Variants in OR3A2 observed in about 807,000 individuals in gnomAD.
OR3A2 encodes olfactory receptor family 3 subfamily A member 2.
For synonymous variants in OR3A2, 126 were observed against 159.3 expected (o/e 0.79, Z 1.57); for missense variants, 318 against 392.8 (o/e 0.81, Z 1.61).
chr17:3,385,343 T>C (rs1199544218), intron 1 of OR3A2, among the ~76,000 whole-genome samples: 1 of 152,228 alleles, frequency 6.6e-6, no homozygotes, highest in Admixed American at 6.5e-5. Context: ...CTGCTCCTAA[T>C]TGTTTAAACA....
chr17:3,385,712 G>A (rs937940691), intron 1 of OR3A2, among the ~76,000 whole-genome samples: 1 of 152,168 alleles, frequency 6.6e-6, no homozygotes, highest in South Asian at 2.1e-4. Context: ...CACTACGCTA[G>A]AACACTCTTC....
intron 3 of OR3A2, among the ~76,000 whole-genome samples, chr17:3,318,301 T>C (rs1347974039): frequency 1.3e-5 from 2 of 152,212 alleles, no homozygotes; most frequent in East Asian, 3.8e-4. Flanking sequence ...GAGATTCACT[T>C]TCTTTTTGGT....
intron 2 of OR3A2, among the ~76,000 whole-genome samples, chr17:3,371,321 C>T (rs1462285435): frequency 7.3e-5 from 11 of 150,072 alleles, no homozygotes; most frequent in Non-Finnish European, 1.2e-4. Context: ...TAGGGGCGGC[C>T]GGGCAGAAGT....
At chr17:3,351,943 T>C (rs1458590727) in intron 2 of OR3A2, among the ~76,000 whole-genome samples, 1 of 152,212 alleles carries the variant, frequency 6.6e-6, no homozygotes, top group Non-Finnish European at 1.5e-5. Context: ...AAGGATTCCC[T>C]ACTTAATAAA....
rs571281980 is a variant in OR3A2, at chr17:3,339,382, T to G, written c.-178-3256A>C. 5.9e-5 allele frequency among the ~76,000 whole-genome samples: 9 copies of G among 152,334 alleles called. No homozygotes were observed. The South Asian group carries it at 1.9e-3, about 32-fold the overall frequency. On this transcript the variant is annotated intron_variant, in intron 2 of 4. Coordinates refer to the OR3A2 transcript ENST00000573491. The stretch of plus-strand genomic sequence containing the variant: ...GGGAATACTTCCAGTTTTTGCCCAT[T>G]CAGAATGATACTGGCTGTGGGTTTA...
chr17:3,310,147 C>T (rs2049029061), intron 3 of OR3A2: 1 of 352,920 alleles, frequency 2.8e-6, no homozygotes, highest in Admixed American at 3.8e-5. Flanking sequence ...ACATCTAAAT[C>T]TTCAACTTCC....
intron 2 of OR3A2, among the ~76,000 whole-genome samples, chr17:3,358,690 T>C (rs541675539): frequency 6.6e-6 from 1 of 151,876 alleles, no homozygotes; most frequent in South Asian, 2.1e-4. Context: ...GATTATTTTA[T>C]GTCTAATTAT....
At chr17:3,318,910 G>A (rs2049097437) in intron 3 of OR3A2, among the ~76,000 whole-genome samples, 1 of 152,074 alleles carries the variant, frequency 6.6e-6, no homozygotes, top group Non-Finnish European at 1.5e-5. Context: ...TCCTTACAAT[G>A]TGATCAGTGA....
chr17:3,303,104 T>G (rs1597328088), intron 3 of OR3A2, among the ~76,000 whole-genome samples: 2 of 152,268 alleles, frequency 1.3e-5, no homozygotes, highest in South Asian at 4.1e-4. Flanking sequence ...TAAATAGTGC[T>G]GGAGCAACTG....
intron 3 of OR3A2, among the ~76,000 whole-genome samples, chr17:3,314,635 G>T (rs977973325): frequency 6.6e-6 from 1 of 151,968 alleles, no homozygotes; most frequent in Non-Finnish European, 1.5e-5. Context: ...ATTTACTCTG[G>T]TATTATTCAA....
At chr17:3,282,730 A>C (rs1172767193) in intron 1 of OR3A2, among the ~76,000 whole-genome samples, 6 of 152,244 alleles carry the variant, frequency 3.9e-5, no homozygotes, top group African/African-American at 1.4e-4. Flanking sequence ...TTTGCAAATC[A>C]ACAAATCAAA....
At chr17:3,374,166 C>G (rs2049658891) in intron 2 of OR3A2, among the ~76,000 whole-genome samples, 1 of 152,188 alleles carries the variant, frequency 6.6e-6, no homozygotes, top group South Asian at 2.1e-4. Context: ...GAGAAATCTG[C>G]TGTTAATCTG....
chr17:3,310,315 A>G (rs1567550104), intron 3 of OR3A2: 1 of 532,984 alleles, frequency 1.9e-6, no homozygotes, highest in Non-Finnish European at 3.9e-6. Context: ...ACAGCCATGG[A>G]TCTGGGGAAC....
At chr17:3,354,497 G>A (rs1193394064) in intron 2 of OR3A2, among the ~76,000 whole-genome samples, 1 of 151,018 alleles carries the variant, frequency 6.6e-6, no homozygotes. Flanking sequence ...ATTTCTTTAT[G>A]GTTTGATCTT....
chr17:3,322,067 T>C, intron 3 of OR3A2, among the ~76,000 whole-genome samples: 1 of 152,210 alleles, frequency 6.6e-6, no homozygotes, highest in South Asian at 2.1e-4. Flanking sequence ...AGCCTGTTAT[T>C]GGTCTATTCA....
Position 3,346,472 on chromosome 17 carries a change from G to C in OR3A2, c.-178-10346C>G, listed in dbSNP as rs61060402. Among the ~76,000 whole-genome samples the C allele has an allele frequency of 2.9e-3, 434 of 151,764 alleles. 2 individuals carry two copies. Among genetic ancestry groups the C allele is most frequent in the African/African-American group, 8.6e-3 (359 of 41,534 alleles). The stretch of plus-strand genomic sequence containing the variant: ...TGGGAACAGCAGTAGCAGCCACCTT[G>C]CCTATCAGCCTATCAGCCGCCTTGC... On this transcript the variant is annotated intron_variant, in intron 2 of 4. Coordinates refer to the OR3A2 transcript ENST00000573491.
chr17:3,343,995 T>C (rs1240116920), intron 2 of OR3A2, among the ~76,000 whole-genome samples: 1 of 152,190 alleles, frequency 6.6e-6, no homozygotes, highest in Non-Finnish European at 1.5e-5. Flanking sequence ...GTCTAGGAAG[T>C]TTTTCTCATT....
chr17:3,330,348 A>T (rs533605742), intron 3 of OR3A2, among the ~76,000 whole-genome samples: 2 of 149,906 alleles, frequency 1.3e-5, no homozygotes, highest in South Asian at 4.2e-4. Context: ...TGGGAGTCTA[A>T]GTCTCTTTGT....
chr17:3,372,837 GAGAAGGAGAAGGAGA>G (rs2049642773), intron 2 of OR3A2, among the ~76,000 whole-genome samples: 2 of 129,688 alleles, frequency 1.5e-5, no homozygotes, highest in African/African-American at 6.0e-5. Context: ...GGAGAGGGAG[GAGAAGGAGAAGGAGA>G]GGGAGAGGGA....
Sources: gnomAD v4.1 joint callset for allele counts (sites outside exome capture counted in the v4.1 genomes callset) on GRCh38, gnomAD v4.1.1 for gene constraint, MANE v1.5 for transcripts, NCBI Gene and HGNC (gene_info 2026-07-23, HGNC 2026-07-21) for gene names.